The following AKAP6 variants were observed in gnomAD, a reference collection of about 807,000 sequenced individuals.
AKAP6 encodes A-kinase anchoring protein 6.
In AKAP6, 58 loss-of-function variants were observed where a neutral mutation model predicts 188.5. The ratio of observed to expected loss-of-function variants is 0.31; its 90% CI spans 0.25 to 0.38. The LOEUF is 0.38. AKAP6 is among the 10% of genes least tolerant of loss of function. AKAP6 has a pLI of 1.00. For synonymous variants in AKAP6, 989 were observed against 998.6 expected (o/e 0.99, Z 0.18); for missense variants, 2,710 against 2,740.0 (o/e 0.99, Z 0.24).
chr14:32,506,923 A>G (rs1880909619), intron 2 of AKAP6, among the ~76,000 whole-genome samples: 2 of 152,184 alleles, frequency 1.3e-5, no homozygotes, highest in South Asian at 4.1e-4. Flanking sequence ...ACACATATAC[A>G]CACACACTTC....
intron 1 of AKAP6, among the ~76,000 whole-genome samples, chr14:32,409,523 A>G (rs1889411659): frequency 6.6e-6 from 1 of 152,208 alleles, no homozygotes; most frequent in African/African-American, 2.4e-5. Flanking sequence ...GTAGCCCCTT[A>G]TCCTTGAACA....
chr14:32,677,545 T>G lies in AKAP6; in HGVS notation c.2731-766T>G, dbSNP rs149348706. ...GGCCAAGCATGTCCCTGAGAAGATA[T>G]CATTCTCGGTCTCATCTGATGTTCT... On this transcript the variant is annotated intron_variant, in intron 7 of 13. Transcript: ENST00000280979. 7.3e-3 allele frequency among the ~76,000 whole-genome samples: 1,114 copies of G among 152,298 alleles called. 7 individuals carry two copies. Among genetic ancestry groups the G allele is most frequent in the South Asian group, 0.016 (76 of 4,826 alleles).
chr14:32,561,199 A>G (rs1883942294), intron 4 of AKAP6, among the ~76,000 whole-genome samples: 1 of 152,198 alleles, frequency 6.6e-6, no homozygotes, highest in African/African-American at 2.4e-5. Context: ...ATGAAACTAC[A>G]AAGAGCAAAG....
intron 1 of AKAP6, among the ~76,000 whole-genome samples, chr14:32,428,463 G>C (rs1021350553): frequency 6.6e-6 from 1 of 151,944 alleles, no homozygotes; most frequent in African/African-American, 2.4e-5. Flanking sequence ...GTGCAGCCCC[G>C]ACACTGGCCT....
At chr14:32,709,851 T>A (rs1459506926) in intron 9 of AKAP6, among the ~76,000 whole-genome samples, 1 of 152,068 alleles carries the variant, frequency 6.6e-6, no homozygotes, top group Non-Finnish European at 1.5e-5. Context: ...CAGTTTCAAG[T>A]TAGAAAATTT....
At chr14:32,818,386 A>T (rs1185535971) in intron 12 of AKAP6, among the ~76,000 whole-genome samples, 6 of 152,168 alleles carry the variant, frequency 3.9e-5, no homozygotes, top group African/African-American at 1.4e-4. Context: ...TCTGATATAA[A>T]ATGGTTTATT....
chr14:32,398,523 G>A (rs985260912), intron 1 of AKAP6, among the ~76,000 whole-genome samples: 1 of 152,172 alleles, frequency 6.6e-6, no homozygotes, highest in Non-Finnish European at 1.5e-5. Flanking sequence ...AAATGTGATG[G>A]ATGTGGTTTG....
At chr14:32,412,358 T>C (rs886610988) in intron 1 of AKAP6, among the ~76,000 whole-genome samples, 1 of 152,230 alleles carries the variant, frequency 6.6e-6, no homozygotes, top group African/African-American at 2.4e-5. Context: ...TGCAAAATTG[T>C]GTCACACAAT....
At chr14:32,503,204 T>C (rs1880693151) in intron 2 of AKAP6, among the ~76,000 whole-genome samples, 1 of 152,136 alleles carries the variant, frequency 6.6e-6, no homozygotes, top group Non-Finnish European at 1.5e-5. Flanking sequence ...TTTTCATATG[T>C]TTAACGATCA....
At chr14:32,489,252 C>T (rs1431617804) in intron 2 of AKAP6, among the ~76,000 whole-genome samples, 1 of 152,174 alleles carries the variant, frequency 6.6e-6, no homozygotes, top group Admixed American at 6.5e-5. Flanking sequence ...CTCTGTCGCC[C>T]AGGCTGTGTA....
intron 2 of AKAP6, among the ~76,000 whole-genome samples, chr14:32,497,280 C>T (rs1288731113): frequency 1.3e-5 from 2 of 152,088 alleles, no homozygotes; most frequent in Admixed American, 6.6e-5. Context: ...TAAATTATCT[C>T]CTAAGTCCTG....
intron 12 of AKAP6, among the ~76,000 whole-genome samples, chr14:32,819,260 T>C (rs572805053): frequency 5.0e-4 from 76 of 152,206 alleles, no homozygotes; most frequent in Non-Finnish European, 1.0e-3. Flanking sequence ...GCTATACAGA[T>C]AATCTCTTAC....
chr14:32,424,435 TC>T (rs1889960939), intron 1 of AKAP6, among the ~76,000 whole-genome samples: 1 of 151,978 alleles, frequency 6.6e-6, no homozygotes, highest in South Asian at 2.1e-4. Context: ...TTCCTTCACC[TC>T]CCTTCCATCT....
intron 7 of AKAP6, among the ~76,000 whole-genome samples, chr14:32,620,277 T>C (rs1444233227): frequency 2.0e-5 from 3 of 152,208 alleles, no homozygotes; most frequent in African/African-American, 7.2e-5. Context: ...CTTTTCCCCA[T>C]TCGGTATGAC....
intron 3 of AKAP6, among the ~76,000 whole-genome samples, chr14:32,544,704 C>T (rs1442826940): frequency 6.6e-6 from 1 of 152,094 alleles, no homozygotes; most frequent in African/African-American, 2.4e-5. Flanking sequence ...AGTAGTTTAC[C>T]TTCCTTTGAT....
At chr14:32,828,350 A>G (rs2034728088) in intron 13 of AKAP6, among the ~76,000 whole-genome samples, 1 of 152,206 alleles carries the variant, frequency 6.6e-6, no homozygotes, top group Non-Finnish European at 1.5e-5. Context: ...TGCACTAGAC[A>G]ATACAGGTAT....
intron 7 of AKAP6, among the ~76,000 whole-genome samples, chr14:32,646,151 G>A (rs73264812): frequency 0.017 from 2,633 of 151,798 alleles, 67 homozygotes; most frequent in African/African-American, 0.06. Flanking sequence ...TGAAAAAGTG[G>A]GTAAAAAGCT....
chr14:32,464,547 C>G (rs760408043), intron 2 of AKAP6, among the ~76,000 whole-genome samples: 2 of 152,138 alleles, frequency 1.3e-5, no homozygotes, highest in African/African-American at 2.4e-5. Context: ...ATTCAACATC[C>G]CTTCATGCTA....
rs187391929 is a variant in AKAP6, at chr14:32,669,789, A to T, written c.2731-8522A>T. ...TTCTTCACATGGCGGCAGCAAGAAG[A>T]AGTGCCGAGCAAAAGGGGAAAACAT... On this transcript the variant is annotated intron_variant, in intron 7 of 13. Coordinates refer to ENST00000280979, the MANE Select transcript of AKAP6 (RefSeq NM_004274.5). Among the ~76,000 whole-genome samples, 410 of 152,252 alleles carry T rather than the reference A, an allele frequency of 2.7e-3. 2 individuals carry two copies. The highest frequency in any genetic ancestry group is 3.5e-3 in the Non-Finnish European group (235 of 68,000).
Sources: gnomAD v4.1 joint callset for allele counts (sites outside exome capture counted in the v4.1 genomes callset) on GRCh38, gnomAD v4.1.1 for gene constraint, MANE v1.5 for transcripts, NCBI Gene and HGNC (gene_info 2026-07-23, HGNC 2026-07-21) for gene names.